Variants in DCC observed in about 807,000 individuals in gnomAD.
The protein encoded by DCC is netrin receptor DCC.
DCC carries 58 observed loss-of-function variants against 172.5 expected under a neutral mutation model. That is an observed-to-expected ratio of 0.34 (90% confidence interval 0.27 to 0.42). DCC has a LOEUF of 0.42. DCC is among the 10% of genes least tolerant of loss of function. The pLI, the probability that DCC is intolerant of heterozygous loss-of-function variation, is 1.00. For synonymous variants in DCC, 709 were observed against 644.5 expected (o/e 1.10, Z -1.52); for missense variants, 1,740 against 1,791.0 (o/e 0.97, Z 0.51).
At chr18:53,085,989 C>CTTATTATTATTATTATTATTATTAT (rs1568294134) in intron 7 of DCC, among the ~76,000 whole-genome samples, 1 of 55,930 alleles carries the variant, frequency 1.8e-5, no homozygotes, top group South Asian at 4.3e-4. Flanking sequence ...TCTTCTTCTT[C>CTTATTATTATTATTATTATTATTAT]TCCTTCTCCT....
chr18:53,087,478 G>C (rs1254695070), intron 7 of DCC, among the ~76,000 whole-genome samples: 2 of 151,560 alleles, frequency 1.3e-5, no homozygotes, highest in African/African-American at 4.8e-5. Flanking sequence ...ATTTGTTTGA[G>C]TTCATTGTAG....
intron 10 of DCC, among the ~76,000 whole-genome samples, chr18:53,205,817 A>G (rs2055617617): frequency 6.6e-6 from 1 of 151,930 alleles, no homozygotes; most frequent in African/African-American, 2.4e-5. Flanking sequence ...CCATTTTTTA[A>G]TGTTTTCAGA....
At chr18:52,405,611 C>T (rs1986616678) in intron 1 of DCC, among the ~76,000 whole-genome samples, 1 of 150,998 alleles carries the variant, frequency 6.6e-6, no homozygotes, top group Non-Finnish European at 1.5e-5. Context: ...ATCCAACTTA[C>T]AAGGGATGTG....
chr18:53,395,938 A>T (rs1908910187), intron 17 of DCC, among the ~76,000 whole-genome samples: 1 of 152,130 alleles, frequency 6.6e-6, no homozygotes, highest in Non-Finnish European at 1.5e-5. Context: ...CCACAGCGCC[A>T]ACCTACAATT....
At chr18:52,788,053 A>G (rs57192567) in intron 2 of DCC, among the ~76,000 whole-genome samples, 3,418 of 152,210 alleles carry the variant, frequency 0.022, 88 homozygotes, top group East Asian at 0.084. Context: ...TTTTATTTCA[A>G]TGCTCAATTT....
At chr18:52,496,769 A>G (rs539334224) in intron 1 of DCC, among the ~76,000 whole-genome samples, 1 of 152,218 alleles carries the variant, frequency 6.6e-6, no homozygotes, top group South Asian at 2.1e-4. Context: ...TGGGGCTTTG[A>G]CAGGCAATAC....
intron 2 of DCC, among the ~76,000 whole-genome samples, chr18:52,780,514 A>G (rs906494946): frequency 6.6e-6 from 1 of 152,212 alleles, no homozygotes; most frequent in Non-Finnish European, 1.5e-5. Context: ...TCTAAGTTTT[A>G]TATGACACAG....
intron 7 of DCC, among the ~76,000 whole-genome samples, chr18:53,127,118 G>T (rs888491867): frequency 4.0e-5 from 6 of 148,922 alleles, no homozygotes; most frequent in Non-Finnish European, 5.9e-5. Context: ...TAAAATACGA[G>T]ACTAGCTTTT....
chr18:52,841,508 C>T (rs1183423692), intron 2 of DCC, among the ~76,000 whole-genome samples: 1 of 152,120 alleles, frequency 6.6e-6, no homozygotes, highest in African/African-American at 2.4e-5. Context: ...CTGTAAAAGG[C>T]ATTCTGTCCG....
At chr18:52,409,294 C>CTGT (rs1446842727) in intron 1 of DCC, 1 of 152,110 alleles carries the variant, frequency 6.6e-6, no homozygotes, top group East Asian at 1.9e-4. Context: ...GCAACTGATT[C>CTGT]TGTTGTGATT....
chr18:53,474,436 C>A lies in DCC; in HGVS notation c.3736+6426C>A, dbSNP rs908052071. ...AATATGGTTTGGCTGTGTCCCCACC[C>A]AAATCTCATCTTGAATTCCCATGTC... On this transcript the variant is annotated intron_variant, in intron 25 of 28. Coordinates refer to ENST00000442544, the MANE Select transcript of DCC (RefSeq NM_005215.4). 3.3e-5 allele frequency among the ~76,000 whole-genome samples: 5 copies of A among 152,122 alleles called. No homozygotes were observed. The East Asian group carries it at 9.6e-4, about 29-fold the overall frequency.
chr18:52,834,718 AAAAG>A (rs2038673485), intron 2 of DCC, among the ~76,000 whole-genome samples: 1 of 152,234 alleles, frequency 6.6e-6, no homozygotes, highest in African/African-American at 2.4e-5. Flanking sequence ...GAAAAATTAG[AAAAG>A]AAATATGTTT....
intron 1 of DCC, among the ~76,000 whole-genome samples, chr18:52,750,976 G>A (rs535287105): frequency 2.0e-4 from 30 of 152,240 alleles, no homozygotes; most frequent in African/African-American, 6.3e-4. Context: ...CAAATAAAGG[G>A]CTCTTAAAGA....
intron 1 of DCC, among the ~76,000 whole-genome samples, chr18:52,474,326 G>A (rs948138928): frequency 6.4e-4 from 98 of 152,090 alleles, no homozygotes; most frequent in African/African-American, 2.3e-3. Flanking sequence ...GCTGTCATTG[G>A]TGGCGGAGAT....
chr18:52,787,240 A>C (rs1004269116), intron 2 of DCC, among the ~76,000 whole-genome samples: 1 of 152,150 alleles, frequency 6.6e-6, no homozygotes, highest in African/African-American at 2.4e-5. Flanking sequence ...TCAGTTCTTC[A>C]TAAGTCCCAT....
At chr18:53,258,482 T>A (rs923994533) in intron 12 of DCC, among the ~76,000 whole-genome samples, 2 of 152,178 alleles carry the variant, frequency 1.3e-5, no homozygotes, top group Non-Finnish European at 2.9e-5. Context: ...CAGTAGTCAT[T>A]CAGGAGCAGG....
intron 12 of DCC, among the ~76,000 whole-genome samples, chr18:53,230,989 T>TG (rs1332584399): frequency 4.7e-5 from 6 of 128,116 alleles, no homozygotes; most frequent in Non-Finnish European, 7.6e-5. Context: ...ATAAAATTGG[T>TG]GTTTTTTTTT....
intron 1 of DCC, among the ~76,000 whole-genome samples, chr18:52,421,989 T>C (rs1417695829): frequency 2.0e-5 from 3 of 152,198 alleles, no homozygotes; most frequent in Non-Finnish European, 4.4e-5. Flanking sequence ...CTGAAGTATC[T>C]TCTTCTCATC....
intron 1 of DCC, among the ~76,000 whole-genome samples, chr18:52,598,432 A>C (rs1475512105): frequency 6.6e-6 from 1 of 152,214 alleles, no homozygotes; most frequent in African/African-American, 2.4e-5. Context: ...TTTCTGGCAG[A>C]AAATAGTCTA....
Sources: allele counts gnomAD v4.1 joint callset (sites outside exome capture counted in the v4.1 genomes callset), GRCh38; gene constraint gnomAD v4.1.1; transcripts MANE v1.5; gene names NCBI Gene and HGNC (gene_info 2026-07-23, HGNC 2026-07-21).